SLC6A6: variants seen among roughly 807,000 people sequenced by gnomAD.
SLC6A6 encodes sodium- and chloride-dependent taurine transporter.
Under a neutral mutation model 68.8 loss-of-function variants are expected in SLC6A6, and 16 were observed. That is an observed-to-expected ratio of 0.23 (90% CI 0.16 to 0.35). The LOEUF is 0.35. Among genes scored for constraint, SLC6A6 ranks in the 10% least tolerant of loss-of-function variants. SLC6A6 has a pLI of 1.00. For missense variants in SLC6A6, 474 were observed against 802.8 expected, an observed-to-expected ratio of 0.59 and a Z score of 4.95; for synonymous variants, 312 against 315.4, an observed-to-expected ratio of 0.99 and a Z score of 0.12.
chr3:14,456,511 G>T (rs1365211626), intron 5 of SLC6A6, among the ~76,000 whole-genome samples: 1 of 152,220 alleles, frequency 6.6e-6, no homozygotes, highest in Non-Finnish European at 1.5e-5. Context: ...TTGAATACCA[G>T]TTGAGAAGGG....
rs919340399 is a variant in SLC6A6 at position 14,450,369 on chromosome 3, C to T, written c.599+2553C>T. On this transcript the variant is annotated intron_variant, in intron 5 of 14. Transcript: ENST00000622186. The surrounding 1 kb of genome is among the most constrained non-coding windows in gnomAD (Gnocchi z 4.1). ...GCTCCATTTTCTGGCCTGGAAGACA[C>T]TGAGACAGTATTTATCTTTGGAAAG... 1.3e-5 allele frequency among the ~76,000 whole-genome samples: 2 copies of T among 152,140 alleles called. No homozygotes were observed. The highest frequency in any genetic ancestry group is 2.9e-5 in the Non-Finnish European group (2 of 68,022).
intron 9 of SLC6A6, among the ~76,000 whole-genome samples, chr3:14,469,831 T>A (rs1349322582): frequency 1.4e-4 from 22 of 152,016 alleles, no homozygotes; most frequent in Admixed American, 1.4e-3. Context: ...CAGGACCCCC[T>A]TGGCAAATCC....
In SLC6A6 at chr3:14,416,582, C is replaced by T. The variant is rs766315990; in HGVS notation, c.-12+129C>T. On this transcript the variant is annotated intron_variant, in intron 2 of 14. Coordinates refer to ENST00000622186, the MANE Select transcript of SLC6A6 (RefSeq NM_003043.6). ...GACAAGACGGGACCCCTGAGGCCCA[C>T]AGACCTTGTCCACACCTCACCTCCA... 22 of 395,470 alleles carry T rather than the reference C, an allele frequency of 5.6e-5. No individual in the cohort carries two copies. The Admixed American group carries it at 9.7e-4, about 17-fold the overall frequency. The allele number at this position is 395,470 out of a possible 1,614,324, so 24.5% of individuals were successfully genotyped here.
rs565922203 is a variant in SLC6A6, at chr3:14,450,025, C to T, written c.599+2209C>T. On this transcript the variant is annotated intron_variant, in intron 5 of 14. Transcript: ENST00000622186. This position sits in a 1 kb window ranked among gnomAD's most constrained non-coding sequence, Gnocchi z 4.1. The stretch of plus-strand genomic sequence containing the variant: ...TCAGCCTCCCAAAGTGCTGGGATTA[C>T]AGGCGTGAGCCACTGTGCCTGGCCA... 5.4e-4 allele frequency among the ~76,000 whole-genome samples: 83 copies of T among 152,310 alleles called. No individual in the cohort carries two copies. Among genetic ancestry groups the T allele is most frequent in the African/African-American group, 1.8e-3 (76 of 41,564 alleles).
At chr3:14,479,933 C>A (rs1700969875) in intron 13 of SLC6A6, among the ~76,000 whole-genome samples, 1 of 152,218 alleles carries the variant, frequency 6.6e-6, no homozygotes, top group South Asian at 2.1e-4. Context: ...TTCACGGCTC[C>A]ACTATGGGGA....
chr3:14,451,491 G>A (rs1232776074), intron 5 of SLC6A6, among the ~76,000 whole-genome samples: 1 of 152,260 alleles, frequency 6.6e-6, no homozygotes, highest in Non-Finnish European at 1.5e-5. Context: ...ATGCACGGGT[G>A]AGGGCCAGGT....
chr3:14,442,870 T>C (rs1340803132), intron 2 of SLC6A6, among the ~76,000 whole-genome samples: 1 of 152,196 alleles, frequency 6.6e-6, no homozygotes, highest in Non-Finnish European at 1.5e-5. Context: ...AGCCAGAGGA[T>C]GGTTAGAGAA....
chr3:14,464,975 T>C (rs7622358), intron 6 of SLC6A6, among the ~76,000 whole-genome samples: 79,087 of 152,030 alleles, frequency 0.52, 21,992 homozygotes, highest in African/African-American at 0.72. Context: ...AAATCCTGGA[T>C]TCCGTTGATG....
chr3:14,410,275 C>G (rs9810533), intron 1 of SLC6A6, among the ~76,000 whole-genome samples: 2 of 152,228 alleles, frequency 1.3e-5, no homozygotes, highest in African/African-American at 4.8e-5. Context: ...GTGAACCCCC[C>G]CTTGACAGGG....
chr3:14,437,425 T>C (rs766916223), intron 2 of SLC6A6, among the ~76,000 whole-genome samples: 1 of 152,032 alleles, frequency 6.6e-6, no homozygotes, highest in South Asian at 2.1e-4. Flanking sequence ...ATCCAGCTAA[T>C]TTTTGTAGTT....
At chr3:14,414,657 G>A (rs139618468) in intron 1 of SLC6A6, among the ~76,000 whole-genome samples, 3,352 of 152,126 alleles carry the variant, frequency 0.022, 127 homozygotes, top group African/African-American at 0.077. Context: ...TCCCAAGTGG[G>A]TGGGACTACA....
At position 14,481,879 on chromosome 3, in the gene SLC6A6, C is replaced by T. The variant is rs199520493; in HGVS notation, c.1722+38C>T. 175 of 1,573,744 alleles carry T rather than the reference C, an allele frequency of 1.1e-4. No individual in the cohort carries two copies. The East Asian group carries it at 2.9e-3, about 26-fold the overall frequency. ...GCCCAGGGCCAGGGGAGGTGGGAGG[C>T]GCGAGGCCAAAGGTGATTGTTGTCA... is the stretch of plus-strand genomic sequence containing the variant. On this transcript the variant is annotated intron_variant, in intron 14 of 14. Transcript: ENST00000622186. This position sits in a 1 kb window ranked among gnomAD's most constrained non-coding sequence, Gnocchi z 4.7.
rs539996332 is a variant in SLC6A6 at position 14,413,770 on chromosome 3, C to T, written c.-53-2642C>T. 8.7e-4 allele frequency among the ~76,000 whole-genome samples: 133 copies of T among 152,256 alleles called. 1 individual carries two copies. The highest frequency in any genetic ancestry group is 3.4e-3 in the Middle Eastern group (1 of 294). Reference sequence around the variant, plus strand: ...CGTGATAACTAGAGTGCCAGGGCTGCGGGAACCTCAGGTGTTCTGTCATCT... The same window carrying T: ...CGTGATAACTAGAGTGCCAGGGCTGTGGGAACCTCAGGTGTTCTGTCATCT... On this transcript the variant is annotated intron_variant, in intron 1 of 14. Coordinates refer to ENST00000622186, the MANE Select transcript of SLC6A6 (RefSeq NM_003043.6).
intron 6 of SLC6A6, among the ~76,000 whole-genome samples, chr3:14,461,327 C>T (rs763763866): frequency 5.3e-5 from 8 of 152,192 alleles, no homozygotes; most frequent in Non-Finnish European, 1.0e-4. Flanking sequence ...GCCCAGCATC[C>T]CACAGCTTGT....
chr3:14,410,057 G>A (rs1357690815), intron 1 of SLC6A6, among the ~76,000 whole-genome samples: 1 of 151,712 alleles, frequency 6.6e-6, no homozygotes, highest in Admixed American at 6.6e-5. Flanking sequence ...GCAGTGGTGG[G>A]CACCTGTAAT....
At chr3:14,451,708 G>A (rs1010712899) in intron 5 of SLC6A6, among the ~76,000 whole-genome samples, 1 of 152,178 alleles carries the variant, frequency 6.6e-6, no homozygotes, top group Admixed American at 6.5e-5. Context: ...GGGCCTCGGA[G>A]ACCTCAGCCT....
At chr3:14,445,429 AAAAAAAAAGAAAAAAAG>A (rs1276617796) in intron 3 of SLC6A6, among the ~76,000 whole-genome samples, 3 of 130,782 alleles carry the variant, frequency 2.3e-5, no homozygotes, top group Admixed American at 7.3e-5. Flanking sequence ...TCAAAAGAAA[AAAAAAAAAGAAAAAAAG>A]AAAGAAAGAA....
At chr3:14,483,160 T>G (rs1701047696) in intron 14 of SLC6A6, among the ~76,000 whole-genome samples, 1 of 152,238 alleles carries the variant, frequency 6.6e-6, no homozygotes, top group East Asian at 1.9e-4. Flanking sequence ...CAGCCCACAT[T>G]TAGAAGTTTG....
chr3:14,446,946 G>A (rs978455983), intron 4 of SLC6A6, among the ~76,000 whole-genome samples: 1 of 152,076 alleles, frequency 6.6e-6, no homozygotes, highest in African/African-American at 2.4e-5. Flanking sequence ...TTATCCTTAA[G>A]CCTTTCTTCC....
Sources: allele counts gnomAD v4.1 joint callset (sites outside exome capture counted in the v4.1 genomes callset), GRCh38; gene constraint gnomAD v4.1.1; non-coding constraint Gnocchi (gnomAD v3.1); transcripts MANE v1.5; gene names NCBI Gene and HGNC (gene_info 2026-07-23, HGNC 2026-07-21).